KLHL31: variants seen among roughly 807,000 people sequenced by gnomAD.
KLHL31 encodes the protein kelch like family member 31.
Under a neutral mutation model 47.1 loss-of-function variants are expected in KLHL31, and 32 were observed. That is an observed-to-expected ratio of 0.68 (90% CI 0.51 to 0.91). The LOEUF is 0.91. Among genes scored for constraint, KLHL31 ranks in the 40% least tolerant of loss-of-function variants. KLHL31 has a pLI of 0.00. For missense variants in KLHL31, 797 were observed against 819.3 expected (o/e 0.97, Z 0.33); for synonymous variants, 330 against 325.1 (o/e 1.01, Z -0.16).
At chr6:53,656,562 A>T (rs924358873) in intron 1 of KLHL31, among the ~76,000 whole-genome samples, 4 of 152,148 alleles carry the variant, frequency 2.6e-5, no homozygotes, top group Admixed American at 6.5e-5. Context: ...TATATAGTGT[A>T]TGTGTGTGTA....
intron 1 of KLHL31, among the ~76,000 whole-genome samples, chr6:53,658,295 G>A (rs1468309911): frequency 6.6e-6 from 1 of 151,460 alleles, no homozygotes; most frequent in South Asian, 2.1e-4. Context: ...TTTTATTCAT[G>A]TAGATACAGG....
At chr6:53,661,353 T>C (rs1201143271) in intron 1 of KLHL31, among the ~76,000 whole-genome samples, 4 of 152,100 alleles carry the variant, frequency 2.6e-5, no homozygotes, top group Non-Finnish European at 4.4e-5. Context: ...GCCTCTCACA[T>C]TGGAGCCTTT....
In KLHL31 at chr6:53,650,794, T is replaced by C. The variant is rs943014932; in HGVS notation, c.*804A>G. 6.6e-6 allele frequency: 1 copy of C among 152,182 alleles called. No homozygotes were observed. Among genetic ancestry groups the C allele is most frequent in the Non-Finnish European group, 1.5e-5 (1 of 68,028 alleles). 9.4% of individuals were successfully genotyped at this position (152,182 alleles called of 1,614,324 possible). ...TTCTTCTTTAATAGAGGACAAGGGA[T>C]AAAATGCAAATCCTTCTAGTTGAAA... is the stretch of plus-strand genomic sequence containing the variant. On this transcript the variant is annotated 3_prime_UTR_variant, in exon 3 of 3. Transcript: ENST00000370905.
intron 1 of KLHL31, among the ~76,000 whole-genome samples, chr6:53,658,941 ACTTATTT>A (rs1378879236): frequency 6.6e-6 from 1 of 152,206 alleles, no homozygotes; most frequent in Non-Finnish European, 1.5e-5. Context: ...GTCTCCATCA[ACTTATTT>A]CTTAAGAGAA....
intron 1 of KLHL31, among the ~76,000 whole-genome samples, chr6:53,657,020 C>T (rs961037437): frequency 6.9e-6 from 1 of 145,298 alleles, no homozygotes; most frequent in Non-Finnish European, 1.5e-5. Flanking sequence ...GCAGCCTTGA[C>T]TTCCAGGACT....
At chr6:53,655,635 C>T (rs1764550481) in intron 1 of KLHL31, among the ~76,000 whole-genome samples, 1 of 141,168 alleles carries the variant, frequency 7.1e-6, no homozygotes, top group South Asian at 2.2e-4. Flanking sequence ...GAGACAGAGC[C>T]TCTATCTGTC....
intron 1 of KLHL31, among the ~76,000 whole-genome samples, chr6:53,661,646 A>G (rs1240334825): frequency 1.3e-5 from 2 of 152,214 alleles, no homozygotes; most frequent in Admixed American, 1.3e-4. Flanking sequence ...GGAAAATCTG[A>G]GTATTTTTAA....
chr6:53,652,423 C>G (rs770487603), intron 2 of KLHL31, 93 bp from the exon 3 acceptor site: 5 of 1,522,194 alleles, frequency 3.3e-6, no homozygotes, highest in Non-Finnish European at 4.5e-6. Context: ...CCTGACACTA[C>G]CCCTGCAAGG....
At chr6:53,659,383 C>T (rs1275678668) in intron 1 of KLHL31, among the ~76,000 whole-genome samples, 6 of 152,122 alleles carry the variant, frequency 3.9e-5, no homozygotes, top group African/African-American at 9.7e-5. Flanking sequence ...GGGCTAACCC[C>T]GAAAGTTCAG....
At chr6:53,663,019 A>G (rs996201937) in intron 1 of KLHL31, among the ~76,000 whole-genome samples, 1 of 152,156 alleles carries the variant, frequency 6.6e-6, no homozygotes, top group East Asian at 1.9e-4. Flanking sequence ...AATATTACAG[A>G]TATCCTAAAA....
chr6:53,655,604 T>C (rs1242650227), intron 1 of KLHL31, among the ~76,000 whole-genome samples: 5 of 88,336 alleles, frequency 5.7e-5, no homozygotes, highest in Non-Finnish European at 1.0e-4. Flanking sequence ...CTTTTTTCTT[T>C]TTTTCTTTTT....
Position 53,654,497 on chromosome 6 carries a change from C to A in KLHL31, c.776G>T (p.Arg259Leu). The change falls in exon 2 of 3, where the codon CGC becomes CTC. Residue 259 changes from arginine (R) to leucine (L), a missense_variant. Transcript: ENST00000370905. ...GTCTTGTGCAGAGATGGTACCAAAG[C>A]GAATATTGCTCAAAAGATCTGCAGC... ...KYAADLLSNI[R>L]FGTISAQDLV... The A allele has an allele frequency of 6.2e-7, 1 of 1,614,116 alleles. No homozygotes were observed.
At chr6:53,652,502 G>A in intron 2 of KLHL31, 172 bp from the exon 3 acceptor site, 1 of 743,846 alleles carries the variant, frequency 1.3e-6, no homozygotes, top group South Asian at 1.8e-5. Context: ...AAAAATGTGT[G>A]ACACTTGGAA....
chr6:53,652,347 A>T lies in KLHL31; in HGVS notation c.1173-17T>A. 1.2e-6 allele frequency: 2 copies of T among 1,612,608 alleles called. No homozygotes were observed. Among genetic ancestry groups the T allele is most frequent in the South Asian group, 1.1e-5 (1 of 91,068 alleles). ...GGATCGTATCTGGAAATGATAGAGAAGGTGTAACAGCTTTGTCGGCGGCAG... is the reference window on the plus strand; with the variant it reads ...GGATCGTATCTGGAAATGATAGAGATGGTGTAACAGCTTTGTCGGCGGCAG... On this transcript the variant is annotated splice_polypyrimidine_tract_variant and intron_variant, in intron 2 of 2. Coordinates refer to ENST00000370905, the MANE Select transcript of KLHL31 (RefSeq NM_001003760.5).
chr6:53,659,296 A>T (rs1430793447), intron 1 of KLHL31, among the ~76,000 whole-genome samples: 2 of 152,254 alleles, frequency 1.3e-5, no homozygotes, highest in African/African-American at 4.8e-5. Flanking sequence ...TGAGATTTTT[A>T]AAAAACACCA....
chr6:53,655,212 T>C lies in KLHL31; in HGVS notation c.61A>G (p.Ile21Val), dbSNP rs1764541796. Residue 21 changes from isoleucine to valine, a missense_variant, in exon 2 of 3, where the codon ATC becomes GTC. Coordinates refer to ENST00000370905, the MANE Select transcript of KLHL31 (RefSeq NM_001003760.5). ...NKGDINEMTI[I>V]VEDSPLNKLN... is the part of the protein sequence containing the mutation. ...TTGTTTAGGGGGCTATCTTCTACGA[T>C]TATAGTCATCTCATTGATATCTCCT... 3 of 1,608,058 alleles carry C rather than the reference T, an allele frequency of 1.9e-6. No homozygotes were observed. Among genetic ancestry groups the C allele is most frequent in the South Asian group, 1.1e-5 (1 of 89,550 alleles).
rs138040011 is a variant in KLHL31 at position 53,654,280 on chromosome 6, G to C, written c.993C>G (p.Ser331=). ...VGGRPGLTEK[S]LSRDILYRDP... Reference sequence around the variant, plus strand: ...CTCTATACAAGATGTCTCTGCTAAGGGACTTCTCAGTAAGGCCTGGGCGTC... The same window carrying C: ...CTCTATACAAGATGTCTCTGCTAAGCGACTTCTCAGTAAGGCCTGGGCGTC... The change falls in exon 2 of 3, where the codon TCC becomes TCG. Residue 331 remains serine (S), a synonymous_variant. Transcript: ENST00000370905. 24 of 1,614,058 alleles carry C rather than the reference G, an allele frequency of 1.5e-5. No individual in the cohort carries two copies. The Middle Eastern group carries it at 2.1e-3, about 144-fold the overall frequency.
rs868186037 is a variant in KLHL31 at position 53,651,036 on chromosome 6, A to C, written c.*562T>G. 6.6e-6 allele frequency: 1 copy of C among 152,200 alleles called. No homozygotes were observed. The highest frequency in any genetic ancestry group is 1.5e-5 in the Non-Finnish European group (1 of 68,044). The allele number at this position is 152,200 out of a possible 1,614,324, so 9.4% of individuals were successfully genotyped here. A position where few individuals can be genotyped will look rare whatever the true frequency, so the allele number is the denominator to read the frequency against. ...TTAAGCTTTATTACGTTGTCATGGG[A>C]TATCTTTCAAAATCCTTTACTCAAT... On this transcript the variant is annotated 3_prime_UTR_variant, in exon 3 of 3. Transcript: ENST00000370905.
chr6:53,654,298 T>G lies in KLHL31; in HGVS notation c.975A>C (p.Pro325=), dbSNP rs1399349639. ...CRVLVTVGGR[P]GLTEKSLSRD... Reference sequence around the variant, plus strand: ...TGCTAAGGGACTTCTCAGTAAGGCCTGGGCGTCCCCCAACAGTGACGAGGA... The same window carrying G: ...TGCTAAGGGACTTCTCAGTAAGGCCGGGGCGTCCCCCAACAGTGACGAGGA... Residue 325 remains proline (P), a synonymous_variant, in exon 2 of 3, where the codon CCA becomes CCC. Transcript: ENST00000370905. The G allele has an allele frequency of 2.5e-6, 4 of 1,614,106 alleles. No individual in the cohort carries two copies. The highest frequency in any genetic ancestry group is 2.5e-6 in the Non-Finnish European group (3 of 1,180,044).
Sources: allele counts gnomAD v4.1 joint callset (sites outside exome capture counted in the v4.1 genomes callset), GRCh38; gene constraint gnomAD v4.1.1; transcripts MANE v1.5; gene names NCBI Gene and HGNC (gene_info 2026-07-23, HGNC 2026-07-21).